ABI3BP: variants seen among roughly 807,000 people sequenced by gnomAD.
ABI3BP encodes the protein ABI family member 3 binding protein.
Under a neutral mutation model 268.6 loss-of-function variants are expected in ABI3BP, and 216 were observed. The ratio of observed to expected loss-of-function variants is 0.80; its 90% CI spans 0.72 to 0.90. ABI3BP has a LOEUF of 0.90. Ranked by LOEUF, ABI3BP falls within the 40% of genes least tolerant of loss-of-function variation. The probability of loss-of-function intolerance (pLI) is 0.00; values close to 1 mark genes in which losing one functional copy is unlikely to be tolerated. For synonymous variants in ABI3BP, 730 were observed against 730.0 expected, an observed-to-expected ratio of 1.00 and a Z score of 0.00; for missense variants, 2,090 against 2,182.4, an observed-to-expected ratio of 0.96 and a Z score of 0.84.
chr3:100,970,378 G>A lies in ABI3BP; in HGVS notation c.79+22928C>T, dbSNP rs929321389. On this transcript the variant is annotated intron_variant, in intron 1 of 67. Coordinates refer to ENST00000471714, the MANE Select transcript of ABI3BP (RefSeq NM_001375547.2). ...TTGGACACCTGGGGAAGTAGCTACA[G>A]TTCCTTCCAAAGGGAACACACTAAA... Among the ~76,000 whole-genome samples the A allele has an allele frequency of 2.0e-4, 31 of 152,188 alleles. 1 individual carries two copies. Among genetic ancestry groups the A allele is most frequent in the Admixed American group, 7.2e-4 (11 of 15,274 alleles).
chr3:100,798,618 A>G (rs1463908922), intron 51 of ABI3BP, among the ~76,000 whole-genome samples: 1 of 152,050 alleles, frequency 6.6e-6, no homozygotes, highest in African/African-American at 2.4e-5. Flanking sequence ...ATACTAACCA[A>G]TCTGTCTTTT....
intron 49 of ABI3BP, 38 bp downstream of exon 49, chr3:100,810,374 A>T (rs925298794): frequency 2.7e-6 from 4 of 1,485,516 alleles, no homozygotes; most frequent in Admixed American, 3.9e-5. Flanking sequence ...TTCTGCAAAC[A>T]CTCACCTCAT....
At position 100,816,742 on chromosome 3, in the gene ABI3BP, G is replaced by A. The variant is rs1288728213; in HGVS notation, c.3175C>T (p.Pro1059Ser). ...LAPKTQRTRR[P>S]RPRPKTTSSP... ...GATGTAGTTTTGGGTCTGGGACGGG[G>A]ACGACGTGTCCGTTGTGTTTTAGGA... Residue 1059 changes from proline (P) to serine (S), a missense_variant, in exon 43 of 68, where the codon CCC becomes TCC. Coordinates refer to ENST00000471714, the MANE Select transcript of ABI3BP (RefSeq NM_001375547.2). 1.3e-6 allele frequency: 2 copies of A among 1,535,840 alleles called. No individual in the cohort carries two copies. Among genetic ancestry groups the A allele is most frequent in the Non-Finnish European group, 1.7e-6 (2 of 1,146,684 alleles).
chr3:100,940,721 G>C (rs967965536), intron 1 of ABI3BP, among the ~76,000 whole-genome samples: 1 of 136,410 alleles, frequency 7.3e-6, no homozygotes, highest in African/African-American at 2.7e-5. Flanking sequence ...GTGCAGGCTA[G>C]ATAGGAACTC....
intron 2 of ABI3BP, among the ~76,000 whole-genome samples, chr3:100,914,891 T>C (rs1360156339): frequency 2.0e-5 from 3 of 151,742 alleles, no homozygotes; most frequent in Non-Finnish European, 4.4e-5. Flanking sequence ...ATTATTGGAG[T>C]TTTTCTCAGT....
chr3:100,990,759 C>A (rs1385092654), intron 1 of ABI3BP, among the ~76,000 whole-genome samples: 1 of 152,042 alleles, frequency 6.6e-6, no homozygotes, highest in South Asian at 2.1e-4. Context: ...GTCAGAGGAA[C>A]CTGCCTATCT....
intron 1 of ABI3BP, among the ~76,000 whole-genome samples, chr3:100,987,332 T>C (rs2092074633): frequency 6.6e-6 from 1 of 152,206 alleles, no homozygotes; most frequent in African/African-American, 2.4e-5. Flanking sequence ...TAATATTATA[T>C]TGATGAATTC....
Position 100,775,202 on chromosome 3 carries a change from C to A in ABI3BP, c.4462+5G>T, listed in dbSNP as rs769309387. 1.2e-6 allele frequency: 2 copies of A among 1,612,308 alleles called. No individual in the cohort carries two copies. The highest frequency in any genetic ancestry group is 1.7e-5 in the Admixed American group (1 of 59,814). The stretch of plus-strand genomic sequence containing the variant: ...TATCCAGTGAGAACTGATGGCCATA[C>A]GAACCCAGTTCTTCTCCAGAGGCAG... On this transcript the variant is annotated splice_donor_5th_base_variant and intron_variant, in intron 60 of 67. Coordinates refer to ENST00000471714, the MANE Select transcript of ABI3BP (RefSeq NM_001375547.2).
intron 63 of ABI3BP, among the ~76,000 whole-genome samples, chr3:100,758,094 C>T (rs1378764627): frequency 6.6e-6 from 1 of 151,300 alleles, no homozygotes; most frequent in African/African-American, 2.5e-5. Flanking sequence ...TAAATCCCCT[C>T]CAAAAACAAA....
intron 1 of ABI3BP, among the ~76,000 whole-genome samples, chr3:100,944,830 G>A (rs887080821): frequency 1.3e-5 from 2 of 152,148 alleles, no homozygotes; most frequent in Non-Finnish European, 2.9e-5. Context: ...AACTTATCCT[G>A]AGAATATGGC....
At chr3:100,988,768 G>T (rs1232492862) in intron 1 of ABI3BP, among the ~76,000 whole-genome samples, 2 of 152,108 alleles carry the variant, frequency 1.3e-5, no homozygotes, top group Non-Finnish European at 2.9e-5. Context: ...CAGCCTCAGT[G>T]CTCTGTGTAT....
intron 1 of ABI3BP, 141 bp downstream of exon 1, chr3:100,993,165 C>T (rs763997143): frequency 2.8e-5 from 16 of 574,638 alleles, no homozygotes; most frequent in Admixed American, 6.6e-5. Flanking sequence ...TTAAGAGACC[C>T]CTTCACACAT....
intron 1 of ABI3BP, among the ~76,000 whole-genome samples, chr3:100,968,840 G>GC (rs2082357045): frequency 6.6e-6 from 1 of 151,746 alleles, no homozygotes; most frequent in East Asian, 1.9e-4. Flanking sequence ...CCCTCCCCTA[G>GC]CCCCCCACCC....
chr3:100,948,039 A>G (rs1321759867), intron 1 of ABI3BP, among the ~76,000 whole-genome samples: 1 of 152,204 alleles, frequency 6.6e-6, no homozygotes, highest in Admixed American at 6.5e-5. Context: ...GCATGAGCAA[A>G]GGTGCTGAGG....
At chr3:100,952,132 A>G (rs928677622) in intron 1 of ABI3BP, among the ~76,000 whole-genome samples, 2 of 152,146 alleles carry the variant, frequency 1.3e-5, no homozygotes, top group African/African-American at 4.8e-5. Flanking sequence ...TCTACAAATA[A>G]TTCCTTAAAT....
intron 20 of ABI3BP, 86 bp downstream of exon 20, chr3:100,846,286 A>G: frequency 1.1e-6 from 1 of 929,610 alleles, no homozygotes; most frequent in South Asian, 1.7e-5. Context: ...TCAAAATATA[A>G]ATCAGAAATT....
At chr3:100,921,738 G>T (rs903362055) in intron 2 of ABI3BP, among the ~76,000 whole-genome samples, 12 of 152,064 alleles carry the variant, frequency 7.9e-5, no homozygotes, top group Admixed American at 7.9e-4. Context: ...ACTTTTGCAT[G>T]GAAAAGCAGT....
intron 2 of ABI3BP, among the ~76,000 whole-genome samples, chr3:100,923,245 C>T (rs943946134): frequency 6.6e-6 from 1 of 152,296 alleles, no homozygotes; most frequent in East Asian, 1.9e-4. Context: ...TAGCTACTTT[C>T]CTGATGACAG....
In ABI3BP at chr3:100,749,378, T is replaced by G. The variant is rs182554215; in HGVS notation, c.*1117A>C. 16 of 295,488 alleles carry G rather than the reference T, an allele frequency of 5.4e-5. No individual in the cohort carries two copies. In the Admixed American group the frequency reaches 8.5e-4, roughly 16 times the overall value. The allele number at this position is 295,488 out of a possible 1,614,324, so 18.3% of individuals were successfully genotyped here. ...TCTTTATTGCAGAATTTATACTTGTTTGAAAAATACAAAATGTAGCGTTGA... is the reference window on the plus strand; with the variant it reads ...TCTTTATTGCAGAATTTATACTTGTGTGAAAAATACAAAATGTAGCGTTGA... On this transcript the variant is annotated 3_prime_UTR_variant, in exon 68 of 68. Transcript: ENST00000471714.
Sources: gnomAD v4.1 joint callset for allele counts (sites outside exome capture counted in the v4.1 genomes callset) on GRCh38, gnomAD v4.1.1 for gene constraint, MANE v1.5 for transcripts, NCBI Gene and HGNC (gene_info 2026-07-23, HGNC 2026-07-21) for gene names.